Variants in GAPVD1 observed in about 807,000 individuals in gnomAD.
The protein encoded by GAPVD1 is GTPase activating protein and VPS9 domains 1, also known as GTPase-activating protein and VPS9 domain-containing protein 1.
A neutral mutation model predicts 155.5 loss-of-function variants in GAPVD1; 35 were observed. The observed-to-expected ratio is 0.23, with a 90% CI of 0.17 to 0.30. GAPVD1 has a LOEUF of 0.30. Ranked by LOEUF, GAPVD1 falls within the 10% of genes least tolerant of loss-of-function variation. GAPVD1 has a pLI of 1.00. For synonymous variants in GAPVD1, 636 were observed against 619.7 expected (o/e 1.03, Z -0.39); for missense variants, 1,429 against 1,775.7 (o/e 0.80, Z 3.51).
intron 4 of GAPVD1, among the ~76,000 whole-genome samples, chr9:125,300,424 C>T (rs1840685859): frequency 6.6e-6 from 1 of 151,788 alleles, no homozygotes; most frequent in Admixed American, 6.6e-5. Context: ...TCGCAGTCTG[C>T]CCCCTCGGCC....
At chr9:125,264,529 A>ATT (rs1191490161) in intron 1 of GAPVD1, among the ~76,000 whole-genome samples, 3 of 151,946 alleles carry the variant, frequency 2.0e-5, no homozygotes, top group African/African-American at 4.8e-5. Context: ...GACCATAGAT[A>ATT]TTTCATTCAG....
In GAPVD1 at chr9:125,302,109, G is replaced by A. The variant is rs1840994825; in HGVS notation, c.312G>A (p.Arg104=). Residue 104 remains arginine (R), a synonymous_variant, in exon 5 of 28, where the codon AGG becomes AGA. Transcript: ENST00000297933. ...ATGGAGAATTCTTGAGTCGATTGAG[G>A]GAAAATCCTCGTCTTATTGCCTCCT... ...TAYGEFLSRL[R]ENPRLIASSL... 2 of 1,613,666 alleles carry A rather than the reference G, an allele frequency of 1.2e-6. No homozygotes were observed. The highest frequency in any genetic ancestry group is 1.7e-6 in the Non-Finnish European group (2 of 1,179,930).
At chr9:125,327,692 C>T (rs1030891505) in intron 12 of GAPVD1, among the ~76,000 whole-genome samples, 4 of 151,960 alleles carry the variant, frequency 2.6e-5, no homozygotes, top group African/African-American at 2.4e-5. Context: ...TTAGTAGAGA[C>T]GGGGTTTCAC....
At chr9:125,328,988 C>T (rs1017097982) in intron 12 of GAPVD1, among the ~76,000 whole-genome samples, 22 of 152,032 alleles carry the variant, frequency 1.4e-4, no homozygotes, top group African/African-American at 4.8e-4. Context: ...TCAGGCGTGG[C>T]GGCGCGTGCC....
chr9:125,305,329 T>C (rs76445687), intron 6 of GAPVD1, among the ~76,000 whole-genome samples, 180 bp downstream of exon 6: 3,218 of 152,038 alleles, frequency 0.021, 113 homozygotes, highest in African/African-American at 0.074. Context: ...GATGCCGTCG[T>C]AAGAGAATCA....
intron 12 of GAPVD1, 113 bp downstream of exon 12, chr9:125,326,702 C>T: frequency 1.4e-6 from 1 of 731,852 alleles, no homozygotes; most frequent in Non-Finnish European, 2.4e-6. Context: ...TTAGCACCAT[C>T]TGGGAAACTG....
In GAPVD1 at chr9:125,280,732, C is replaced by T. The variant is rs980120860; in HGVS notation, c.-150+11748C>T. On this transcript the variant is annotated intron_variant, in intron 2 of 27. Transcript: ENST00000297933. Reference sequence around the variant, plus strand: ...CTGGGATTACATGCGCCTGCCACCACGCCCAGCTAATTTTTTGTATTTTTA... The same window carrying T: ...CTGGGATTACATGCGCCTGCCACCATGCCCAGCTAATTTTTTGTATTTTTA... Among the ~76,000 whole-genome samples the T allele has an allele frequency of 8.6e-5, 13 of 151,822 alleles. 1 individual carries two copies. Among genetic ancestry groups the T allele is most frequent in the Admixed American group, 3.9e-4 (6 of 15,200 alleles).
intron 12 of GAPVD1, 106 bp from the exon 13 acceptor site, chr9:125,329,972 G>A (rs1845848345): frequency 9.2e-6 from 8 of 870,540 alleles, no homozygotes; most frequent in Middle Eastern, 2.6e-4. Context: ...GTGAGCCACC[G>A]CGCCCAGCCA....
At chr9:125,331,142 A>G (rs1029059096) in intron 13 of GAPVD1, among the ~76,000 whole-genome samples, 1 of 152,132 alleles carries the variant, frequency 6.6e-6, no homozygotes, top group African/African-American at 2.4e-5. Context: ...GTGTATCTGC[A>G]TTACATTCTG....
intron 19 of GAPVD1, among the ~76,000 whole-genome samples, chr9:125,344,233 T>G (rs1343419169): frequency 6.6e-6 from 1 of 152,168 alleles, no homozygotes; most frequent in Non-Finnish European, 1.5e-5. Flanking sequence ...ACTGTTCTTT[T>G]CCTGTTATCT....
intron 6 of GAPVD1, among the ~76,000 whole-genome samples, chr9:125,305,995 A>G (rs1841735558): frequency 6.6e-6 from 1 of 152,172 alleles, no homozygotes; most frequent in African/African-American, 2.4e-5. Context: ...GTTAACATCT[A>G]TGACATTGTT....
rs1851416278 is a variant in GAPVD1 at position 125,365,415 on chromosome 9, T to G, written c.*2669T>G. ...GTACTTTCTTTACATGAAAGATTAGTGTAAAAGTACAAAATCAGCCCAGGA... is the reference window on the plus strand; with the variant it reads ...GTACTTTCTTTACATGAAAGATTAGGGTAAAAGTACAAAATCAGCCCAGGA... On this transcript the variant is annotated 3_prime_UTR_variant, in exon 28 of 28. Transcript: ENST00000297933. The G allele has an allele frequency of 6.6e-6, 1 of 151,992 alleles. No homozygotes were observed. The highest frequency in any genetic ancestry group is 2.4e-5 in the African/African-American group (1 of 41,388). The allele number at this position is 151,992 out of a possible 1,614,324, so 9.4% of individuals were successfully genotyped here. A position where few individuals can be genotyped will look rare whatever the true frequency, so the allele number is the denominator to read the frequency against.
chr9:125,353,395 A>G lies in GAPVD1; in HGVS notation c.3570-1259A>G, dbSNP rs542199007. 1.3e-4 allele frequency among the ~76,000 whole-genome samples: 20 copies of G among 152,274 alleles called. No individual in the cohort carries two copies. In the South Asian group the frequency reaches 2.5e-3, roughly 19 times the overall value. Reference sequence around the variant, plus strand: ...AAAGCCATTCAACAAATCTCTAGGAAGTTCCATACTTTCCCACATTTTCCT... The same window carrying G: ...AAAGCCATTCAACAAATCTCTAGGAGGTTCCATACTTTCCCACATTTTCCT... On this transcript the variant is annotated intron_variant, in intron 23 of 27. Coordinates refer to ENST00000297933, the MANE Select transcript of GAPVD1 (RefSeq NM_001282680.3).
Position 125,366,280 on chromosome 9 carries a change from G to A in GAPVD1, c.*3534G>A, listed in dbSNP as rs968649100. ...CCGTAAGAATCTGTAGCTGACTGGT[G>A]TGCTGAACCCGGGCACTCTTTTTCC... On this transcript the variant is annotated 3_prime_UTR_variant, in exon 28 of 28. Coordinates refer to ENST00000297933, the MANE Select transcript of GAPVD1 (RefSeq NM_001282680.3). 6.6e-6 allele frequency: 1 copy of A among 152,228 alleles called. No individual in the cohort carries two copies. Among genetic ancestry groups the A allele is most frequent in the Non-Finnish European group, 1.5e-5 (1 of 68,042 alleles). 9.4% of individuals were successfully genotyped at this position (152,228 alleles called of 1,614,324 possible). A position where few individuals can be genotyped will look rare whatever the true frequency, so the allele number is the denominator to read the frequency against.
Position 125,277,458 on chromosome 9 carries a change from A to G in GAPVD1, c.-150+8474A>G, listed in dbSNP as rs140847712. Among the ~76,000 whole-genome samples the G allele has an allele frequency of 1.1e-4, 16 of 152,296 alleles. No homozygotes were observed. In the East Asian group the frequency reaches 3.1e-3, roughly 29 times the overall value. Reference sequence around the variant, plus strand: ...ACACAGGGCTCTAAAAACAGAATGTATAGAAGTGTAGTTTGTGAAAACTAG... The same window carrying G: ...ACACAGGGCTCTAAAAACAGAATGTGTAGAAGTGTAGTTTGTGAAAACTAG... On this transcript the variant is annotated intron_variant, in intron 2 of 27. Transcript: ENST00000297933.
chr9:125,302,224 C>A lies in GAPVD1; in HGVS notation c.427C>A (p.Gln143Lys). 1 of 1,613,658 alleles carries A rather than the reference C, an allele frequency of 6.2e-7. No homozygotes were observed. Among genetic ancestry groups the A allele is most frequent in the Non-Finnish European group, 8.5e-7 (1 of 1,179,622 alleles). Residue 143 changes from glutamine to lysine, a missense_variant, in exon 5 of 28, where the codon CAA becomes AAA. Gln to Lys is a moderately conservative substitution (Grantham distance 53). Coordinates refer to ENST00000297933, the MANE Select transcript of GAPVD1 (RefSeq NM_001282680.3). ...FTSLYGNCIM[Q>K]EDESYLLQVL... ...CTCCCTGTATGGCAATTGCATCATG[C>A]AAGAAGATGAAAGCTACCTCCTTCA... is the stretch of plus-strand genomic sequence containing the variant.
Position 125,299,073 on chromosome 9 carries a change from A to G in GAPVD1, c.152A>G (p.Gln51Arg). 6.2e-7 allele frequency: 1 copy of G among 1,602,840 alleles called. No individual in the cohort carries two copies. The highest frequency in any genetic ancestry group is 8.5e-7 in the Non-Finnish European group (1 of 1,175,964). The change falls in exon 4 of 28, where the codon CAG becomes CGG. Residue 51 changes from glutamine (Q) to arginine (R), a missense_variant. By Grantham distance (43) the Gln-to-Arg change is conservative. This residue lies in a region of GAPVD1 where 628 missense variants were observed against 733.4 expected (regional missense o/e 0.86). Transcript: ENST00000297933. ...LYRTAWIAKQ[Q>R]RINLDRLIIT... ...CGTACAGCATGGATTGCGAAGCAAC[A>G]GAGAATCAATTTGGATCGGCTTATC...
At chr9:125,309,933 A>G (rs1842417777) in intron 8 of GAPVD1, 1 of 466,724 alleles carries the variant, frequency 2.1e-6, no homozygotes, top group Admixed American at 2.4e-5. Flanking sequence ...ACCCAGGACA[A>G]CAGTTAGCAG....
At chr9:125,294,620 A>G (rs957354246) in intron 2 of GAPVD1, among the ~76,000 whole-genome samples, 1 of 150,086 alleles carries the variant, frequency 6.7e-6, no homozygotes, top group Non-Finnish European at 1.5e-5. Flanking sequence ...TGCTGGGATT[A>G]CAGGCGTGAG....
Sources: gnomAD v4.1 joint callset for allele counts (sites outside exome capture counted in the v4.1 genomes callset) on GRCh38, gnomAD v4.1.1 for gene constraint, gnomAD v4.1.1 regional missense constraint, MANE v1.5 for transcripts, NCBI Gene and HGNC (gene_info 2026-07-23, HGNC 2026-07-21) for gene names.